PMP22: variants seen among roughly 807,000 people sequenced by gnomAD.
PMP22 encodes the protein Charcot-Marie-Tooth neuropathy 1A (greatly reduced nerve conduction velocity, hereditary motor sensory neuropathy Ia).
A neutral mutation model predicts 18.9 loss-of-function variants in PMP22; 2 were observed. The observed-to-expected ratio is 0.11, with a 90% CI of 0.04 to 0.33. PMP22 has a LOEUF of 0.33. PMP22 is among the 10% of genes least tolerant of loss of function. PMP22 has a pLI of 1.00. For missense variants in PMP22, 169 were observed against 202.2 expected, an observed-to-expected ratio of 0.84 and a Z score of 1.00; for synonymous variants, 95 against 89.2, an observed-to-expected ratio of 1.07 and a Z score of -0.37.
chr17:15,246,752 C>T (rs1163309967), intron 3 of PMP22, among the ~76,000 whole-genome samples: 1 of 152,178 alleles, frequency 6.6e-6, no homozygotes, highest in African/African-American at 2.4e-5. Context: ...CAATATCCAA[C>T]CTTGGTGCTG....
At chr17:15,235,617 T>TTTC (rs1906732185) in intron 4 of PMP22, among the ~76,000 whole-genome samples, 2 of 152,150 alleles carry the variant, frequency 1.3e-5, no homozygotes, top group Non-Finnish European at 2.9e-5. Flanking sequence ...TACAGTGGGA[T>TTTC]TAGGGACAGT....
intron 3 of PMP22, among the ~76,000 whole-genome samples, chr17:15,242,670 A>G (rs889538788): frequency 5.9e-5 from 9 of 152,214 alleles, no homozygotes; most frequent in Non-Finnish European, 1.2e-4. Flanking sequence ...TAGACCAAAA[A>G]GAAGAAAGAA....
Position 15,258,644 on chromosome 17 carries a change from T to C in PMP22, c.178+450A>G. On this transcript the variant is annotated intron_variant, in intron 3 of 4. Transcript: ENST00000312280. The surrounding 1 kb of genome is among the most constrained non-coding windows in gnomAD (Gnocchi z 4.1). ...GGAAAGGCAGCCAGTCTTGTGTCCATGTAACTGACGGTGCAGTGAGCTAGC... is the reference window on the plus strand; with the variant it reads ...GGAAAGGCAGCCAGTCTTGTGTCCACGTAACTGACGGTGCAGTGAGCTAGC... 1 of 248,768 alleles carries C rather than the reference T, an allele frequency of 4.0e-6. No individual in the cohort carries two copies. Among genetic ancestry groups the C allele is most frequent in the East Asian group, 8.9e-5 (1 of 11,298 alleles). 15.4% of individuals were successfully genotyped at this position (248,768 alleles called of 1,614,324 possible). A position where few individuals can be genotyped will look rare whatever the true frequency, so the allele number is the denominator to read the frequency against.
chr17:15,234,838 G>A (rs867737141), intron 4 of PMP22, among the ~76,000 whole-genome samples: 1 of 151,346 alleles, frequency 6.6e-6, no homozygotes, highest in Admixed American at 6.6e-5. Flanking sequence ...TAGAGAGGCA[G>A]GGTCTCACTC....
intron 3 of PMP22, among the ~76,000 whole-genome samples, chr17:15,254,881 C>T (rs1428252668): frequency 6.6e-6 from 1 of 152,190 alleles, no homozygotes; most frequent in African/African-American, 2.4e-5. Context: ...ATTGCTTGAA[C>T]CCGGGAAGCG....
chr17:15,250,072 C>A (rs893643770), intron 3 of PMP22, among the ~76,000 whole-genome samples: 2 of 152,154 alleles, frequency 1.3e-5, no homozygotes, highest in Non-Finnish European at 2.9e-5. Flanking sequence ...CCGGCCACCA[C>A]GCCCGGCTAA....
At chr17:15,254,943 G>C (rs1908699842) in intron 3 of PMP22, among the ~76,000 whole-genome samples, 1 of 152,166 alleles carries the variant, frequency 6.6e-6, no homozygotes, top group South Asian at 2.1e-4. Context: ...TGGGCAACAA[G>C]AGTGAAACTC....
At chr17:15,237,675 C>T (rs1906926330) in intron 4 of PMP22, among the ~76,000 whole-genome samples, 1 of 152,194 alleles carries the variant, frequency 6.6e-6, no homozygotes, top group African/African-American at 2.4e-5. Flanking sequence ...AACACTCAAC[C>T]GTCCCTGTCA....
At chr17:15,243,726 A>G (rs1907548403) in intron 3 of PMP22, among the ~76,000 whole-genome samples, 1 of 148,218 alleles carries the variant, frequency 6.7e-6, no homozygotes. Flanking sequence ...TATGATATAT[A>G]ATTATATAAT....
At chr17:15,245,886 G>A (rs1473673154) in intron 3 of PMP22, among the ~76,000 whole-genome samples, 6 of 152,054 alleles carry the variant, frequency 3.9e-5, no homozygotes, top group African/African-American at 1.2e-4. Context: ...GGTGGCGGGC[G>A]CCTGTAGTCC....
intron 3 of PMP22, among the ~76,000 whole-genome samples, chr17:15,242,319 A>C (rs561889828): frequency 1.3e-5 from 2 of 151,808 alleles, no homozygotes; most frequent in African/African-American, 4.8e-5. Context: ...ATACACCTAA[A>C]ACAAGCAACA....
At chr17:15,264,679 A>G (rs1909593737) in intron 1 of PMP22, among the ~76,000 whole-genome samples, 1 of 152,136 alleles carries the variant, frequency 6.6e-6, no homozygotes, top group Admixed American at 6.5e-5. Context: ...GGTAAACCCA[A>G]CCCATCTGTC....
chr17:15,265,034 A>G (rs1381949950), intron 1 of PMP22, 120 bp downstream of exon 1: 1 of 152,054 alleles, frequency 6.6e-6, no homozygotes, highest in Non-Finnish European at 1.5e-5. Flanking sequence ...TTCCAACACA[A>G]ATGCACCATC....
chr17:15,244,000 C>A (rs1050686163), intron 3 of PMP22, among the ~76,000 whole-genome samples: 1 of 151,862 alleles, frequency 6.6e-6, no homozygotes, highest in Admixed American at 6.6e-5. Flanking sequence ...ACAGACAATA[C>A]ATAGTGTTGG....
chr17:15,256,179 T>TA (rs1555567824), intron 3 of PMP22, among the ~76,000 whole-genome samples: 29 of 152,108 alleles, frequency 1.9e-4, no homozygotes, highest in Admixed American at 6.5e-4. Context: ...AGATGTAGCC[T>TA]GGGGGCAAGA....
rs1174594975 is a variant in PMP22, at chr17:15,260,645, C to T, written c.78+5G>A. The T allele has an allele frequency of 6.4e-7, 1 of 1,551,632 alleles. No homozygotes were observed. The highest frequency in any genetic ancestry group is 8.7e-7 in the Non-Finnish European group (1 of 1,146,938). ...GCGCAGGGAGCCTCCCCGCCAGGCA[C>T]TCACGCTGACGATCGTGGAGACGAA... On this transcript the variant is annotated splice_donor_5th_base_variant and intron_variant, in intron 2 of 4. Coordinates refer to ENST00000312280, the MANE Select transcript of PMP22 (RefSeq NM_000304.4).
In PMP22 at chr17:15,258,660, G is replaced by C. The variant is rs2072325; in HGVS notation, c.178+434C>G. The C allele has an allele frequency of 0.11, 28,074 of 267,264 alleles. 1,873 individuals are homozygous for C. The highest frequency in any genetic ancestry group is 0.21 in the East Asian group (2,449 of 11,930). 16.6% of individuals were successfully genotyped at this position (267,264 alleles called of 1,614,324 possible). ...TTGTGTCCATGTAACTGACGGTGCAGTGAGCTAGCCCCACTGTCACTGCAG... is the reference window on the plus strand; with the variant it reads ...TTGTGTCCATGTAACTGACGGTGCACTGAGCTAGCCCCACTGTCACTGCAG... On this transcript the variant is annotated intron_variant, in intron 3 of 4. Coordinates refer to ENST00000312280, the MANE Select transcript of PMP22 (RefSeq NM_000304.4). This position sits in a 1 kb window ranked among gnomAD's most constrained non-coding sequence, Gnocchi z 4.1.
chr17:15,253,036 A>G (rs2150698350), intron 3 of PMP22, among the ~76,000 whole-genome samples: 1 of 152,360 alleles, frequency 6.6e-6, no homozygotes, highest in East Asian at 1.9e-4. Context: ...AACAAAAAGC[A>G]CTGGTTCATT....
rs745772135 is a variant in PMP22 at position 15,230,932 on chromosome 17, C to T, written c.468G>A (p.Leu156=). Residue 156 remains leucine, a synonymous_variant, in exon 5 of 5, where the codon TTG becomes TTA. Coordinates refer to ENST00000312280, the MANE Select transcript of PMP22 (RefSeq NM_000304.4). ...TCTGGGCGCCTCATTCGCGTTTCCG[C>T]AAGATCACATAGATGACACCGCTGA... ...ALLSGVIYVI[L]RKRE 4 of 1,613,970 alleles carry T rather than the reference C, an allele frequency of 2.5e-6. No homozygotes were observed.
Sources: gnomAD v4.1 joint callset for allele counts (sites outside exome capture counted in the v4.1 genomes callset) on GRCh38, gnomAD v4.1.1 for gene constraint, Gnocchi (gnomAD v3.1) non-coding constraint, MANE v1.5 for transcripts, NCBI Gene and HGNC (gene_info 2026-07-23, HGNC 2026-07-21) for gene names.